The following ZNF544 variants were observed in gnomAD, a reference collection of about 807,000 sequenced individuals.
The protein encoded by ZNF544 is zinc finger protein 544.
ZNF544 carries 10 observed loss-of-function variants against 13.5 expected under a neutral mutation model. The observed-to-expected ratio is 0.74, with a 90% confidence interval of 0.46 to 1.25. ZNF544 has a LOEUF of 1.25. Among genes scored for constraint, ZNF544 ranks in the 50% most tolerant of loss-of-function variants. The pLI, the probability that ZNF544 is intolerant of heterozygous loss-of-function variation, is 0.00. For synonymous variants in ZNF544, 323 were observed against 300.5 expected, an observed-to-expected ratio of 1.07 and a Z score of -0.77; for missense variants, 896 against 845.6, an observed-to-expected ratio of 1.06 and a Z score of -0.74.
intron 3 of ZNF544, among the ~76,000 whole-genome samples, chr19:58,243,638 A>G (rs2044403166): frequency 6.6e-6 from 1 of 152,064 alleles, no homozygotes; most frequent in East Asian, 1.9e-4. Flanking sequence ...AAAACAGCTT[A>G]TGATCCATTG....
At chr19:58,243,470 C>T (rs910289348) in intron 3 of ZNF544, among the ~76,000 whole-genome samples, 1 of 135,088 alleles carries the variant, frequency 7.4e-6, no homozygotes, top group Non-Finnish European at 1.7e-5. Context: ...GACAGGCATG[C>T]CCTGGCAGTA....
chr19:58,261,865 G>T lies in ZNF544; in HGVS notation c.1259G>T (p.Arg420Ile). ...CTGTGTGGGAAATCCTTCACCCAGAGATCCAAACTTATTACACATCAGCGA... is the reference window on the plus strand; with the variant it reads ...CTGTGTGGGAAATCCTTCACCCAGATATCCAAACTTATTACACATCAGCGA... Reference protein sequence around the residue: ...CDLCGKSFTQRSKLITHQRIH... With the variant: ...CDLCGKSFTQISKLITHQRIH... Residue 420 changes from arginine to isoleucine, a missense_variant, in exon 7 of 7, where the codon AGA becomes ATA. Physicochemically the swap from Arg to Ile is moderately conservative, Grantham distance 97. Transcript: ENST00000687789. 6.2e-7 allele frequency: 1 copy of T among 1,613,486 alleles called. No homozygotes were observed. Among genetic ancestry groups the T allele is most frequent in the Admixed American group, 1.7e-5 (1 of 59,908 alleles).
In ZNF544 at chr19:58,262,545, C is replaced by G; in HGVS notation, c.1939C>G (p.Leu647Val). 1 of 1,614,136 alleles carries G rather than the reference C, an allele frequency of 6.2e-7. No individual in the cohort carries two copies. The highest frequency in any genetic ancestry group is 8.5e-7 in the Non-Finnish European group (1 of 1,180,012). Residue 647 changes from leucine (L) to valine (V), a missense_variant, in exon 7 of 7, where the codon CTT becomes GTT. By Grantham distance (32) the Leu-to-Val change is conservative. Transcript: ENST00000687789. ...CNKAFARSSY[L>V]VMHQRTHTGE... ...TAAAGCCTTTGCAAGGAGCTCCTAC[C>G]TTGTGATGCATCAGAGAACTCACAC... is the stretch of plus-strand genomic sequence containing the variant.
At chr19:58,236,289 C>T (rs1231592578) in intron 3 of ZNF544, among the ~76,000 whole-genome samples, 7 of 151,906 alleles carry the variant, frequency 4.6e-5, no homozygotes, top group Middle Eastern at 6.8e-3. Flanking sequence ...CACCTGAGGT[C>T]GGGAGTTCAA....
chr19:58,251,479 TTTGA>T, intron 6 of ZNF544: 1 of 453,132 alleles, frequency 2.2e-6, no homozygotes, highest in South Asian at 1.6e-5. Flanking sequence ...TCCCTTCCAC[TTTGA>T]TTGTAATTAT....
chr19:58,245,372 G>A (rs1325618629), intron 4 of ZNF544, among the ~76,000 whole-genome samples: 1 of 150,612 alleles, frequency 6.6e-6, no homozygotes, highest in Non-Finnish European at 1.5e-5. Flanking sequence ...CGCGATCTCA[G>A]CTCACTGCAA....
chr19:58,272,114 T>A (rs1381003087), intron 5 of ZNF544, among the ~76,000 whole-genome samples: 3 of 149,804 alleles, frequency 2.0e-5, no homozygotes, highest in Non-Finnish European at 4.4e-5. Flanking sequence ...TGAGCCGAGA[T>A]TGCCCCACTA....
intron 5 of ZNF544, among the ~76,000 whole-genome samples, chr19:58,273,649 C>T (rs1018106375): frequency 1.4e-5 from 2 of 147,876 alleles, no homozygotes; most frequent in African/African-American, 5.0e-5. Flanking sequence ...GAGATCGTGT[C>T]ACTGCACTCC....
intron 5 of ZNF544, among the ~76,000 whole-genome samples, chr19:58,273,658 C>G (rs1415470140): frequency 4.0e-5 from 6 of 150,324 alleles, no homozygotes; most frequent in Non-Finnish European, 7.4e-5. Context: ...TCACTGCACT[C>G]CAGCCTGGGC....
At chr19:58,241,425 T>G in intron 3 of ZNF544, among the ~76,000 whole-genome samples, 1 of 151,494 alleles carries the variant, frequency 6.6e-6, no homozygotes, top group South Asian at 2.1e-4. Flanking sequence ...CTTTAAACCT[T>G]TTTTGGTAGG....
chr19:58,272,655 C>T (rs187390596), intron 5 of ZNF544, among the ~76,000 whole-genome samples: 49 of 151,868 alleles, frequency 3.2e-4, no homozygotes, highest in African/African-American at 1.1e-3. Context: ...GAAGTTGAGG[C>T]GGGAGAATCA....
At chr19:58,248,544 C>T (rs550762162) in intron 6 of ZNF544, among the ~76,000 whole-genome samples, 1 of 152,188 alleles carries the variant, frequency 6.6e-6, no homozygotes, top group East Asian at 1.9e-4. Flanking sequence ...GGCTTCACTC[C>T]TGATGTTGTA....
At chr19:58,240,201 G>A (rs532005865) in intron 3 of ZNF544, among the ~76,000 whole-genome samples, 13 of 152,112 alleles carry the variant, frequency 8.5e-5, no homozygotes, top group Admixed American at 2.6e-4. Context: ...TTTAACAGGC[G>A]GGATATCCCA....
chr19:58,275,804 G>GAAA (rs2051176925), intron 5 of ZNF544, among the ~76,000 whole-genome samples: 11 of 53,468 alleles, frequency 2.1e-4, no homozygotes, highest in South Asian at 5.6e-4. Flanking sequence ...AAAAAAAAAG[G>GAAA]AAAGAGGAAA....
intron 6 of ZNF544, among the ~76,000 whole-genome samples, chr19:58,248,342 C>T (rs956360815): frequency 3.4e-5 from 5 of 148,400 alleles, no homozygotes; most frequent in African/African-American, 1.3e-4. Context: ...AAGTGATCCT[C>T]CCACCTCTCT....
intron 6 of ZNF544, chr19:58,259,235 G>A (rs1332627743): frequency 6.6e-6 from 1 of 152,164 alleles, no homozygotes; most frequent in Non-Finnish European, 1.5e-5. Flanking sequence ...TCTTCTATTG[G>A]GTCAATTCTG....
At chr19:58,276,421 C>T (rs960513337) in exon 6 of ZNF544, 7 of 1,231,018 alleles carry the variant, frequency 5.7e-6, no homozygotes, top group Non-Finnish European at 7.1e-6. Flanking sequence ...GCAGCTGCCA[C>T]TTGCTCAGGT....
chr19:58,246,956 G>A lies in ZNF544; in HGVS notation c.244+162G>A, dbSNP rs928413774. On this transcript the variant is annotated intron_variant, in intron 6 of 6. Transcript: ENST00000687789. ...ATTCAAAGGAGTTCACCAATTCGAAGTATGCAGTTCATGGCTTCCAGTGTC... is the reference window on the plus strand; with the variant it reads ...ATTCAAAGGAGTTCACCAATTCGAAATATGCAGTTCATGGCTTCCAGTGTC... 7 of 588,886 alleles carry A rather than the reference G, an allele frequency of 1.2e-5. No individual in the cohort carries two copies. The African/African-American group carries it at 1.3e-4, about 11-fold the overall frequency. 36.5% of individuals were successfully genotyped at this position (588,886 alleles called of 1,614,324 possible).
intron 3 of ZNF544, among the ~76,000 whole-genome samples, chr19:58,236,844 C>T (rs1268375649): frequency 4.0e-5 from 6 of 150,500 alleles, no homozygotes; most frequent in African/African-American, 7.3e-5. Flanking sequence ...CGGGTTCAAA[C>T]AATTCTCGTG....
Sources: gnomAD v4.1 joint callset for allele counts (sites outside exome capture counted in the v4.1 genomes callset) on GRCh38, gnomAD v4.1.1 for gene constraint, MANE v1.5 for transcripts, NCBI Gene and HGNC (gene_info 2026-07-23, HGNC 2026-07-21) for gene names.